The following GAS7 variants were observed in gnomAD, a reference collection of about 807,000 sequenced individuals.
GAS7 encodes the protein growth arrest specific 7.
Under a neutral mutation model 71.1 loss-of-function variants are expected in GAS7, and 28 were observed. That is an observed-to-expected ratio of 0.39 (90% confidence interval 0.29 to 0.54). The LOEUF (loss-of-function observed/expected upper bound fraction) is 0.54. GAS7 is among the 20% of genes least tolerant of loss of function. GAS7 has a pLI of 0.62. For missense variants in GAS7, 436 were observed against 627.8 expected (o/e 0.69, Z 3.27); for synonymous variants, 258 against 245.8 (o/e 1.05, Z -0.46).
intron 1 of GAS7, among the ~76,000 whole-genome samples, chr17:10,177,135 A>G (rs915227871): frequency 6.6e-6 from 1 of 152,164 alleles, no homozygotes; most frequent in Non-Finnish European, 1.5e-5. Context: ...GGAGATCCCC[A>G]TGCAAGCCAG....
chr17:10,005,306 T>C (rs1464436662), intron 2 of GAS7, among the ~76,000 whole-genome samples: 1 of 150,080 alleles, frequency 6.7e-6, no homozygotes, highest in East Asian at 2.0e-4. Flanking sequence ...TATATACACA[T>C]ATATACACAC....
chr17:9,988,636 G>A (rs965186886), intron 2 of GAS7, among the ~76,000 whole-genome samples: 2 of 152,044 alleles, frequency 1.3e-5, no homozygotes, highest in African/African-American at 4.8e-5. Context: ...GTGGTGAGCA[G>A]AGATCGCGTC....
intron 2 of GAS7, among the ~76,000 whole-genome samples, chr17:10,004,422 G>A (rs1229128633): frequency 6.6e-6 from 1 of 152,014 alleles, no homozygotes; most frequent in Non-Finnish European, 1.5e-5. Context: ...GCTCACTCTG[G>A]TTATGTCCAT....
intron 1 of GAS7, among the ~76,000 whole-genome samples, chr17:10,069,543 A>C (rs1040783243): frequency 6.6e-6 from 1 of 152,174 alleles, no homozygotes; most frequent in Non-Finnish European, 1.5e-5. Flanking sequence ...ATTTAATATT[A>C]ATGTTTTATG....
chr17:10,084,746 C>T (rs1158726317), intron 1 of GAS7, among the ~76,000 whole-genome samples: 2 of 152,206 alleles, frequency 1.3e-5, no homozygotes, highest in Non-Finnish European at 2.9e-5. Context: ...GGATTACAGG[C>T]GTGAGCCCCC....
At position 9,916,022 on chromosome 17, in the gene GAS7, T is replaced by C. The variant is rs2067572039; in HGVS notation, c.*1206A>G. The C allele has an allele frequency of 4.3e-6, 1 of 233,142 alleles. No individual in the cohort carries two copies. Among genetic ancestry groups the C allele is most frequent in the East Asian group, 6.1e-5 (1 of 16,520 alleles). The allele number at this position is 233,142 out of a possible 1,614,324, so 14.4% of individuals were successfully genotyped here. ...AAGGGTTTGGTGCAGGGCTCTGGAA[T>C]GTCCAGAAGGAGCGGGAAGCAAAGG... On this transcript the variant is annotated 3_prime_UTR_variant, in exon 14 of 14. Transcript: ENST00000432992.
intron 1 of GAS7, among the ~76,000 whole-genome samples, chr17:10,043,256 C>T (rs540960982): frequency 3.3e-5 from 5 of 152,224 alleles, no homozygotes; most frequent in African/African-American, 1.2e-4. Flanking sequence ...AAGGCAAGAA[C>T]CAGGTCTTCA....
intron 3 of GAS7, among the ~76,000 whole-genome samples, chr17:9,973,859 G>A (rs1228366833): frequency 6.6e-6 from 1 of 152,188 alleles, no homozygotes; most frequent in Non-Finnish European, 1.5e-5. Flanking sequence ...ACCATGTTTA[G>A]TCTGCTTTCG....
intron 1 of GAS7, among the ~76,000 whole-genome samples, chr17:10,186,258 G>C (rs1451548473): frequency 6.6e-6 from 1 of 151,838 alleles, no homozygotes; most frequent in Admixed American, 6.6e-5. Context: ...CGCGTGGCCA[G>C]AGTCTGCATT....
chr17:10,134,106 C>T (rs1361774748), intron 1 of GAS7, among the ~76,000 whole-genome samples: 2 of 152,004 alleles, frequency 1.3e-5, no homozygotes, highest in African/African-American at 2.4e-5. Context: ...TCTCCGCTCA[C>T]TGCAAGCTCT....
intron 1 of GAS7, among the ~76,000 whole-genome samples, chr17:10,032,006 G>A (rs1479302986): frequency 6.6e-6 from 1 of 150,874 alleles, no homozygotes; most frequent in Non-Finnish European, 1.5e-5. Flanking sequence ...GACCTGGAGT[G>A]TCATCCCACA....
At chr17:9,957,385 G>A (rs1288962211) in intron 5 of GAS7, among the ~76,000 whole-genome samples, 1 of 152,166 alleles carries the variant, frequency 6.6e-6, no homozygotes, top group African/African-American at 2.4e-5. Flanking sequence ...GCCCAACAAG[G>A]GCCGCCATCA....
At chr17:10,064,867 C>A (rs1449394245) in intron 1 of GAS7, among the ~76,000 whole-genome samples, 3 of 152,170 alleles carry the variant, frequency 2.0e-5, no homozygotes, top group Non-Finnish European at 2.9e-5. Flanking sequence ...CTCGCTCTGT[C>A]CCCAGGCTGA....
At chr17:9,977,155 T>C (rs191322604) in intron 3 of GAS7, among the ~76,000 whole-genome samples, 45 of 152,352 alleles carry the variant, frequency 3.0e-4, no homozygotes, top group Non-Finnish European at 5.1e-4. Context: ...TTACTGTCTT[T>C]ATAGCTTTTC....
chr17:9,985,247 G>A (rs902836848), intron 2 of GAS7, among the ~76,000 whole-genome samples: 29 of 152,100 alleles, frequency 1.9e-4, no homozygotes, highest in Admixed American at 1.0e-3. Context: ...AGCTTTCGCC[G>A]GAGGTCACTT....
At chr17:9,933,162 ACT>A (rs1333520854) in intron 9 of GAS7, among the ~76,000 whole-genome samples, 1 of 152,140 alleles carries the variant, frequency 6.6e-6, no homozygotes, top group African/African-American at 2.4e-5. Flanking sequence ...ACAAAGCAAG[ACT>A]CTGTCTCAAA....
At chr17:10,067,944 C>G (rs957307441) in intron 1 of GAS7, among the ~76,000 whole-genome samples, 1 of 152,184 alleles carries the variant, frequency 6.6e-6, no homozygotes, top group South Asian at 2.1e-4. Context: ...GTCACTGTTA[C>G]GTTTTGTAAA....
chr17:10,152,354 G>T (rs959783814), intron 1 of GAS7, among the ~76,000 whole-genome samples: 8 of 152,210 alleles, frequency 5.3e-5, no homozygotes, highest in African/African-American at 1.9e-4. Flanking sequence ...ACGATTCTGT[G>T]CTCAGCACCG....
intron 1 of GAS7, among the ~76,000 whole-genome samples, chr17:10,053,511 T>C (rs2073091768): frequency 1.3e-5 from 2 of 152,158 alleles, no homozygotes; most frequent in African/African-American, 2.4e-5. Flanking sequence ...CTGGTCACCC[T>C]GGAGAAGCCC....
Sources: allele counts gnomAD v4.1 joint callset (sites outside exome capture counted in the v4.1 genomes callset), GRCh38; gene constraint gnomAD v4.1.1; transcripts MANE v1.5; gene names NCBI Gene and HGNC (gene_info 2026-07-23, HGNC 2026-07-21).